NIPAL3: variants seen among roughly 807,000 people sequenced by gnomAD.
NIPAL3 encodes NIPA like domain containing 3, also known as NIPA-like protein 3.
A neutral mutation model predicts 47.2 loss-of-function variants in NIPAL3; 41 were observed. The ratio of observed to expected loss-of-function variants is 0.87; its 90% CI spans 0.68 to 1.13. The LOEUF (loss-of-function observed/expected upper bound fraction) is 1.13, where lower values mean the gene tolerates loss of function less well. Among genes scored for constraint, NIPAL3 ranks in the 50% most tolerant of loss-of-function variants. NIPAL3 has a pLI of 0.00. For synonymous variants in NIPAL3, 194 were observed against 209.6 expected, an observed-to-expected ratio of 0.93 and a Z score of 0.64; for missense variants, 449 against 530.1, an observed-to-expected ratio of 0.85 and a Z score of 1.50.
chr1:24,463,382 C>T (rs1646562773), intron 10 of NIPAL3, among the ~76,000 whole-genome samples: 1 of 151,974 alleles, frequency 6.6e-6, no homozygotes, highest in Non-Finnish European at 1.5e-5. Flanking sequence ...GGAAAGGGGC[C>T]CAGGAAAACT....
chr1:24,425,802 A>C (rs1644556170), intron 2 of NIPAL3, among the ~76,000 whole-genome samples: 1 of 152,156 alleles, frequency 6.6e-6, no homozygotes, highest in South Asian at 2.1e-4. Context: ...TTTACAGATA[A>C]GCAAACCGAA....
At chr1:24,441,253 A>G (rs925148338) in intron 3 of NIPAL3, among the ~76,000 whole-genome samples, 6 of 152,124 alleles carry the variant, frequency 3.9e-5, no homozygotes, top group Non-Finnish European at 8.8e-5. Flanking sequence ...TACTCTATGC[A>G]TCTCAGCTCT....
At chr1:24,425,936 C>T (rs1644566417) in intron 2 of NIPAL3, among the ~76,000 whole-genome samples, 1 of 152,162 alleles carries the variant, frequency 6.6e-6, no homozygotes, top group Non-Finnish European at 1.5e-5. Flanking sequence ...GGTCCTTTAG[C>T]CACCCTTTCA....
intron 2 of NIPAL3, among the ~76,000 whole-genome samples, chr1:24,425,396 T>C (rs1465203129): frequency 6.6e-6 from 1 of 152,208 alleles, no homozygotes; most frequent in Non-Finnish European, 1.5e-5. Context: ...CTTCTTCCAA[T>C]GTGGCCCAGG....
chr1:24,422,837 A>G (rs2235551), intron 2 of NIPAL3, among the ~76,000 whole-genome samples: 106,397 of 152,206 alleles, frequency 0.7, 38,114 homozygotes, highest in African/African-American at 0.88. Flanking sequence ...TCAAAATGGA[A>G]CAGGGTTTCA....
At chr1:24,462,175 AACTC>A (rs1351904233) in intron 10 of NIPAL3, among the ~76,000 whole-genome samples, 10 of 152,092 alleles carry the variant, frequency 6.6e-5, no homozygotes, top group South Asian at 4.2e-4. Context: ...ATCTCGTGAG[AACTC>A]ACTCACTATC....
chr1:24,442,020 A>G, intron 3 of NIPAL3, 35 bp from the exon 4 acceptor site: 3 of 1,603,212 alleles, frequency 1.9e-6, no homozygotes, highest in Non-Finnish European at 2.6e-6. Flanking sequence ...TTCCCCAAAC[A>G]TCTGAGCAAA....
Position 24,419,012 on chromosome 1 carries a change from G to A in NIPAL3, c.-257-279G>A, listed in dbSNP as rs567013194. Among the ~76,000 whole-genome samples, 28 of 151,814 alleles carry A rather than the reference G, an allele frequency of 1.8e-4. No homozygotes were observed. The South Asian group carries it at 4.6e-3, about 25-fold the overall frequency. On this transcript the variant is annotated intron_variant, in intron 1 of 11. Transcript: ENST00000374399. The stretch of plus-strand genomic sequence containing the variant: ...AAAGGGAGGATTTAAGTTAGGGTGC[G>A]ATGGGAGGAAGGAAGCAGAGTGGAG...
Position 24,449,771 on chromosome 1 carries a change from A to T in NIPAL3, c.540+145A>T. On this transcript the variant is annotated intron_variant, in intron 6 of 11. Coordinates refer to ENST00000374399, the MANE Select transcript of NIPAL3 (RefSeq NM_020448.5). This position sits in a 1 kb window ranked among gnomAD's most constrained non-coding sequence, Gnocchi z 4.5. ...ATGAAAGACCGTGCTTCTGGAGAGTACACAGCTCATGGCGAAATGCTTGTT... is the reference window on the plus strand; with the variant it reads ...ATGAAAGACCGTGCTTCTGGAGAGTTCACAGCTCATGGCGAAATGCTTGTT... 1 of 836,360 alleles carries T rather than the reference A, an allele frequency of 1.2e-6. No homozygotes were observed. Among genetic ancestry groups the T allele is most frequent in the Non-Finnish European group, 1.8e-6 (1 of 556,774 alleles). The allele number at this position is 836,360 out of a possible 1,614,324, so 51.8% of individuals were successfully genotyped here.
At chr1:24,445,561 A>T (rs1392963129) in intron 5 of NIPAL3, among the ~76,000 whole-genome samples, 1 of 152,220 alleles carries the variant, frequency 6.6e-6, no homozygotes. Context: ...TTCTAAAGCA[A>T]TGGGAGTCAA....
chr1:24,428,258 A>AAGAGAGAGAGAGAG (rs56082168), intron 2 of NIPAL3, among the ~76,000 whole-genome samples: 2,764 of 119,010 alleles, frequency 0.023, 47 homozygotes, highest in South Asian at 0.037. Flanking sequence ...CTCAAAAAGA[A>AAGAGAGAGAGAGAG]AGAGAGAGAG....
chr1:24,459,251 A>G (rs927033011), intron 9 of NIPAL3, among the ~76,000 whole-genome samples: 3 of 152,226 alleles, frequency 2.0e-5, no homozygotes, highest in Non-Finnish European at 4.4e-5. Context: ...TGTAATGGGT[A>G]TGATCCAAAT....
intron 8 of NIPAL3, chr1:24,457,859 A>G (rs1646293863): frequency 1.9e-6 from 1 of 529,600 alleles, no homozygotes; most frequent in South Asian, 1.4e-5. Flanking sequence ...TTCTATGATT[A>G]TTGGCCTTGC....
chr1:24,419,858 C>T (rs975953451), intron 2 of NIPAL3: 39 of 446,128 alleles, frequency 8.7e-5, no homozygotes, highest in Non-Finnish European at 1.1e-4. Flanking sequence ...GGGAGGTGGG[C>T]GGGTCACGAG....
intron 2 of NIPAL3, among the ~76,000 whole-genome samples, chr1:24,437,441 G>A (rs985950039): frequency 2.0e-5 from 3 of 152,020 alleles, no homozygotes; most frequent in Admixed American, 6.5e-5. Context: ...AAAAAACCTC[G>A]CTCATGTTTA....
intron 1 of NIPAL3, chr1:24,417,026 G>A (rs1247835255): frequency 6.6e-6 from 1 of 152,282 alleles, no homozygotes; most frequent in Non-Finnish European, 1.5e-5. Flanking sequence ...GGCTTTCTCT[G>A]ACCTCCTGTG....
intron 1 of NIPAL3, among the ~76,000 whole-genome samples, chr1:24,419,090 A>T (rs1644192531): frequency 6.6e-6 from 1 of 152,142 alleles, no homozygotes; most frequent in Non-Finnish European, 1.5e-5. Flanking sequence ...TAGATGAGTC[A>T]GGTTTGTATT....
intron 3 of NIPAL3, among the ~76,000 whole-genome samples, chr1:24,440,758 G>C (rs76418599): frequency 0.013 from 1,938 of 152,294 alleles, 51 homozygotes; most frequent in African/African-American, 0.045. Flanking sequence ...TGCAGGCACA[G>C]TTGGGGTGTG....
At chr1:24,428,047 C>G (rs573553842) in intron 2 of NIPAL3, among the ~76,000 whole-genome samples, 14 of 152,224 alleles carry the variant, frequency 9.2e-5, no homozygotes, top group Non-Finnish European at 1.6e-4. Flanking sequence ...CGAGACCAGC[C>G]TGGGCAACAT....
Sources: allele counts gnomAD v4.1 joint callset (sites outside exome capture counted in the v4.1 genomes callset), GRCh38; gene constraint gnomAD v4.1.1; non-coding constraint Gnocchi (gnomAD v3.1); transcripts MANE v1.5; gene names NCBI Gene and HGNC (gene_info 2026-07-23, HGNC 2026-07-21).